The following NFASC variants were observed in gnomAD, a reference collection of about 807,000 sequenced individuals.
The protein encoded by NFASC is neurofascin homolog.
Under a neutral mutation model 147.5 loss-of-function variants are expected in NFASC, and 43 were observed. The ratio of observed to expected loss-of-function variants is 0.29; its 90% CI spans 0.23 to 0.38. NFASC has a LOEUF of 0.38. Ranked by LOEUF, NFASC falls within the 10% of genes least tolerant of loss-of-function variation. The pLI, the probability that NFASC is intolerant of heterozygous loss-of-function variation, is 1.00. For synonymous variants in NFASC, 622 were observed against 665.5 expected (o/e 0.93, Z 1.01); for missense variants, 1,320 against 1,689.0 (o/e 0.78, Z 3.83).
chr1:204,969,459 A>G (rs1418774961), intron 10 of NFASC, among the ~76,000 whole-genome samples: 2 of 152,162 alleles, frequency 1.3e-5, no homozygotes, highest in East Asian at 3.8e-4. Context: ...CACCCGAGTG[A>G]TTGCAGGCAC....
At chr1:204,989,099 G>C in intron 23 of NFASC, 1 of 450,420 alleles carries the variant, frequency 2.2e-6, no homozygotes, top group South Asian at 2.6e-5. Flanking sequence ...ATAAGGAAGA[G>C]AGCATGAGTT....
intron 1 of NFASC, among the ~76,000 whole-genome samples, chr1:204,877,326 G>A (rs1161776630): frequency 6.6e-6 from 1 of 151,728 alleles, no homozygotes; most frequent in Non-Finnish European, 1.5e-5. Flanking sequence ...AAGGCACAGA[G>A]GCATCCTATA....
At chr1:205,000,672 C>T (rs988522106) in intron 25 of NFASC, 13 of 183,690 alleles carry the variant, frequency 7.1e-5, no homozygotes, top group Non-Finnish European at 1.5e-4. Context: ...ACTCTTTCTA[C>T]AAAAATTTGC....
rs2094329565 is a variant in NFASC at position 204,954,537 on chromosome 1, T to C, written c.412+153T>C. On this transcript the variant is annotated intron_variant, in intron 6 of 29. Transcript: ENST00000339876. The surrounding 1 kb of genome is among the most constrained non-coding windows in gnomAD (Gnocchi z 5.7). ...TCTTCCCCACCTCAGAATGATTCCC[T>C]GGAAAGGAAGCTCCCAAAGCTTCCT... 6.6e-6 allele frequency among the ~76,000 whole-genome samples: 1 copy of C among 152,186 alleles called. No homozygotes were observed. Among genetic ancestry groups the C allele is most frequent in the Non-Finnish European group, 1.5e-5 (1 of 68,030 alleles).
At chr1:204,971,240 C>T (rs1242825169) in intron 11 of NFASC, among the ~76,000 whole-genome samples, 1 of 152,070 alleles carries the variant, frequency 6.6e-6, no homozygotes, top group African/African-American at 2.4e-5. Context: ...GGAAGAACTG[C>T]CCCCAGAAGA....
chr1:204,991,808 G>A (rs548672243), intron 24 of NFASC, among the ~76,000 whole-genome samples: 26 of 152,326 alleles, frequency 1.7e-4, no homozygotes, highest in Non-Finnish European at 3.2e-4. Flanking sequence ...GCCCGGCACC[G>A]GCTCTGCCAG....
Position 204,979,043 on chromosome 1 carries a change from G to C in NFASC, c.1952G>C (p.Gly651Ala). ...AGCGTGCGGCTGACCTGGATCCCCGGGGATGCTAACAACAGCCCCATCACA... is the reference window on the plus strand; with the variant it reads ...AGCGTGCGGCTGACCTGGATCCCCGCGGATGCTAACAACAGCCCCATCACA... The part of the protein sequence containing the change: ...ERSVRLTWIP[G>A]DANNSPITDY... Residue 651 changes from glycine to alanine, a missense_variant, in exon 18 of 30, where the codon GGG (glycine) becomes GCG (alanine). Physicochemically the swap from Gly to Ala is moderately conservative, Grantham distance 60. Around this residue, in one of 3 missense-constraint regions of NFASC, gnomAD observed 981 missense variants for 1,289.5 expected, o/e 0.76. Coordinates refer to ENST00000339876, the MANE Select transcript of NFASC (RefSeq NM_001005388.3). The surrounding 1 kb of genome is among the most constrained non-coding windows in gnomAD (Gnocchi z 6.0). 6.4e-7 allele frequency: 1 copy of C among 1,564,036 alleles called. No homozygotes were observed. The highest frequency in any genetic ancestry group is 8.7e-7 in the Non-Finnish European group (1 of 1,153,400).
In NFASC at chr1:205,001,240, G is replaced by C; in HGVS notation, c.3090G>C (p.Lys1030Asn). The C allele has an allele frequency of 6.2e-7, 1 of 1,612,692 alleles. No homozygotes were observed. Among genetic ancestry groups the C allele is most frequent in the South Asian group, 1.1e-5 (1 of 90,724 alleles). ...GTAAATGGGCCAACATCACCTGGAA[G>C]CACAATTTCGGGCCCGGAACTGACT... ...PNSKWANITWKHNFGPGTDFV... is the reference protein window; with the variant it reads ...PNSKWANITWNHNFGPGTDFV... The change falls in exon 26 of 30, where the codon AAG (lysine) becomes AAC (asparagine). Residue 1030 changes from lysine to asparagine, a missense_variant. Transcript: ENST00000339876.
intron 1 of NFASC, among the ~76,000 whole-genome samples, chr1:204,878,557 A>G (rs1212928882): frequency 6.6e-6 from 1 of 152,228 alleles, no homozygotes; most frequent in Non-Finnish European, 1.5e-5. Context: ...CTGGTAAAAT[A>G]TGGAATTATA....
intron 1 of NFASC, among the ~76,000 whole-genome samples, chr1:204,885,619 C>T (rs753277149): frequency 3.3e-5 from 5 of 152,132 alleles, no homozygotes; most frequent in Non-Finnish European, 7.4e-5. Context: ...GGGCTGGGAG[C>T]CTCGTCTTCT....
intron 1 of NFASC, among the ~76,000 whole-genome samples, chr1:204,867,961 C>T (rs1306759376): frequency 6.6e-6 from 1 of 152,278 alleles, no homozygotes; most frequent in Non-Finnish European, 1.5e-5. Flanking sequence ...GAGGCAGTCA[C>T]ATCCTACCTC....
At chr1:204,884,521 T>G (rs1051080252) in intron 1 of NFASC, among the ~76,000 whole-genome samples, 1 of 152,062 alleles carries the variant, frequency 6.6e-6, no homozygotes, top group Non-Finnish European at 1.5e-5. Flanking sequence ...ACTTCTTAAC[T>G]TGGCAGGGAG....
chr1:204,990,575 A>AG (rs1211298276), intron 23 of NFASC: 6 of 151,182 alleles, frequency 4.0e-5, no homozygotes, highest in Admixed American at 2.0e-4. Flanking sequence ...AAAAAAAAAA[A>AG]AAAAGAAAAA....
chr1:205,014,496 C>T (rs2096310403), intron 29 of NFASC, among the ~76,000 whole-genome samples: 1 of 152,222 alleles, frequency 6.6e-6, no homozygotes. Context: ...GACCACCTTT[C>T]CCATGGGGCA....
chr1:204,895,924 A>G (rs1008360034), intron 1 of NFASC, among the ~76,000 whole-genome samples: 2 of 152,188 alleles, frequency 1.3e-5, no homozygotes, highest in East Asian at 3.9e-4. Flanking sequence ...TGCCTTCTTC[A>G]GGTTTCTACT....
At position 204,879,338 on chromosome 1, in the gene NFASC, G is replaced by A. The variant is rs142296655; in HGVS notation, c.-199-41294G>A. On this transcript the variant is annotated intron_variant, in intron 1 of 29. Coordinates refer to ENST00000339876, the MANE Select transcript of NFASC (RefSeq NM_001005388.3). ...TACGTTGTGTCTCATATTACTACTC[G>A]TCTCCCCCGCAAAACAGTCGTCTGT... Among the ~76,000 whole-genome samples, 5 of 152,158 alleles carry A rather than the reference G, an allele frequency of 3.3e-5. No homozygotes were observed. The South Asian group carries it at 6.2e-4, about 19-fold the overall frequency.
chr1:204,934,187 T>G (rs1175962851), intron 2 of NFASC, among the ~76,000 whole-genome samples: 1 of 149,992 alleles, frequency 6.7e-6, no homozygotes, highest in Non-Finnish European at 1.5e-5. Flanking sequence ...GTTTCTCTGC[T>G]GAGGCAGAGA....
chr1:204,917,511 T>C (rs939835262), intron 1 of NFASC, among the ~76,000 whole-genome samples: 8 of 152,348 alleles, frequency 5.3e-5, no homozygotes, highest in African/African-American at 1.9e-4. Context: ...TAAACAGTTT[T>C]CAAAGTAGTG....
rs542702851 is a variant in NFASC, at chr1:204,891,427, C to T, written c.-199-29205C>T. 2.6e-5 allele frequency among the ~76,000 whole-genome samples: 4 copies of T among 152,292 alleles called. No homozygotes were observed. The South Asian group carries it at 8.3e-4, about 32-fold the overall frequency. ...TTAATTCCCCTGAATTTCTGGGTTG[C>T]ACATGCCTGGGATCTCTGAATAGGT... On this transcript the variant is annotated intron_variant, in intron 1 of 29. Coordinates refer to ENST00000339876, the MANE Select transcript of NFASC (RefSeq NM_001005388.3).
Sources: allele counts gnomAD v4.1 joint callset (sites outside exome capture counted in the v4.1 genomes callset), GRCh38; gene constraint gnomAD v4.1.1; regional missense constraint gnomAD v4.1.1; non-coding constraint Gnocchi (gnomAD v3.1); transcripts MANE v1.5; gene names NCBI Gene and HGNC (gene_info 2026-07-23, HGNC 2026-07-21).